Variants in MPPED2 observed in about 807,000 individuals in gnomAD.
MPPED2 encodes metallophosphoesterase MPPED2.
Under a neutral mutation model 33.0 loss-of-function variants are expected in MPPED2, and 5 were observed. That is an observed-to-expected ratio of 0.15 (90% confidence interval 0.08 to 0.32). The LOEUF (loss-of-function observed/expected upper bound fraction) is 0.32, where lower values mean the gene tolerates loss of function less well. Ranked by LOEUF, MPPED2 falls within the 10% of genes least tolerant of loss-of-function variation. MPPED2 has a pLI of 1.00. For missense variants in MPPED2, 275 were observed against 372.1 expected, an observed-to-expected ratio of 0.74 and a Z score of 2.15; for synonymous variants, 136 against 141.9, an observed-to-expected ratio of 0.96 and a Z score of 0.29.
intron 3 of MPPED2, among the ~76,000 whole-genome samples, chr11:30,534,714 C>A (rs1954718781): frequency 2.0e-5 from 3 of 151,990 alleles, no homozygotes; most frequent in Non-Finnish European, 4.4e-5. Flanking sequence ...TTTGACTTAG[C>A]AAATTAAGTA....
chr11:30,572,895 T>C (rs1956767404), intron 2 of MPPED2, among the ~76,000 whole-genome samples: 1 of 152,172 alleles, frequency 6.6e-6, no homozygotes, highest in South Asian at 2.1e-4. Context: ...AGGTAAGGAA[T>C]AGGAGAAATC....
exon 7 of MPPED2, chr11:30,386,412 C>A (rs1175702165): frequency 1.8e-5 from 4 of 224,376 alleles, no homozygotes; most frequent in Non-Finnish European, 2.6e-5. Context: ...ATCATGGCAG[C>A]TCCAATTCCA....
downstream of MPPED2, among the ~76,000 whole-genome samples, chr11:30,408,965 T>C (rs1590166812): frequency 1.3e-5 from 2 of 152,168 alleles, no homozygotes; most frequent in Admixed American, 1.3e-4. Flanking sequence ...AGGCAGCTCG[T>C]GCATATGAAA....
chr11:30,519,136 G>A (rs1953702423), intron 3 of MPPED2, among the ~76,000 whole-genome samples: 1 of 151,960 alleles, frequency 6.6e-6, no homozygotes, highest in Non-Finnish European at 1.5e-5. Context: ...TAAAATATTA[G>A]CCAGGCATGG....
At chr11:30,476,365 C>T (rs1308917583) in intron 4 of MPPED2, among the ~76,000 whole-genome samples, 4 of 151,808 alleles carry the variant, frequency 2.6e-5, no homozygotes, top group Non-Finnish European at 1.5e-5. Context: ...AAGTTTTCTT[C>T]TAGAAGTTTT....
In MPPED2 at chr11:30,536,018, C is replaced by T; in HGVS notation, c.286G>A (p.Val96Ile). Residue 96 changes from valine to isoleucine, a missense_variant, in exon 3 of 7, where the codon GTT becomes ATT. Physicochemically the swap from Val to Ile is conservative, Grantham distance 29 (BLOSUM62 3). Coordinates refer to ENST00000358117, the MANE Select transcript of MPPED2 (RefSeq NM_001584.3). ...DFTELGLPSE[V>I]KKFNDWLGNL... ...CCTAACCAGTCATTAAACTTCTTAA[C>T]CTCTGAGGGCAGTCCCAGCTCGGTG... 1 of 1,609,098 alleles carries T rather than the reference C, an allele frequency of 6.2e-7. No individual in the cohort carries two copies. The highest frequency in any genetic ancestry group is 8.5e-7 in the Non-Finnish European group (1 of 1,178,208).
At chr11:30,455,750 T>C (rs914351230) in intron 4 of MPPED2, among the ~76,000 whole-genome samples, 8 of 152,216 alleles carry the variant, frequency 5.3e-5, no homozygotes, top group Non-Finnish European at 1.2e-4. Flanking sequence ...CAGATCAGCT[T>C]GGCTTAACAT....
intron 3 of MPPED2, among the ~76,000 whole-genome samples, chr11:30,508,271 T>C (rs1209611033): frequency 1.3e-5 from 2 of 152,048 alleles, no homozygotes; most frequent in African/African-American, 4.8e-5. Flanking sequence ...AATGAAAAAA[T>C]TTAAAAAATG....
At chr11:30,500,161 C>CT (rs1255145547) in intron 3 of MPPED2, among the ~76,000 whole-genome samples, 2 of 152,184 alleles carry the variant, frequency 1.3e-5, no homozygotes, top group Non-Finnish European at 2.9e-5. Flanking sequence ...TGGAATGTGA[C>CT]TAATAACCTC....
intron 6 of MPPED2, among the ~76,000 whole-genome samples, chr11:30,412,528 C>A (rs866476628): frequency 6.6e-6 from 1 of 152,072 alleles, no homozygotes; most frequent in Admixed American, 6.6e-5. Context: ...ACTGAAAAGG[C>A]TTTTTTCCAC....
At chr11:30,512,949 AG>A (rs1953309088) in intron 3 of MPPED2, among the ~76,000 whole-genome samples, 1 of 152,156 alleles carries the variant, frequency 6.6e-6, no homozygotes, top group African/African-American at 2.4e-5. Context: ...CGCTGACCCA[AG>A]ATCACGCCAC....
chr11:30,480,245 G>T (rs553287467), intron 4 of MPPED2, among the ~76,000 whole-genome samples: 1 of 152,120 alleles, frequency 6.6e-6, no homozygotes, highest in East Asian at 1.9e-4. Flanking sequence ...CAGCCTAGAC[G>T]CTCTGCATAC....
exon 7 of MPPED2, chr11:30,385,377 G>C (rs951872276): frequency 1.3e-5 from 2 of 152,176 alleles, no homozygotes; most frequent in East Asian, 1.9e-4. Context: ...CTAGGGGCTG[G>C]GTCTTTGTAG....
intron 4 of MPPED2, among the ~76,000 whole-genome samples, chr11:30,493,107 C>T (rs1246609096): frequency 6.6e-6 from 1 of 152,086 alleles, no homozygotes; most frequent in African/African-American, 2.4e-5. Context: ...ACTCGTAAAG[C>T]TAGAAAAAAA....
At chr11:30,402,440 T>C (rs1349496165) in intron 6 of MPPED2, among the ~76,000 whole-genome samples, 2 of 152,154 alleles carry the variant, frequency 1.3e-5, no homozygotes, top group African/African-American at 4.8e-5. Flanking sequence ...CACAGACAGA[T>C]TGTGATGAGA....
chr11:30,476,555 GTA>G (rs1951208437), intron 4 of MPPED2, among the ~76,000 whole-genome samples: 1 of 151,902 alleles, frequency 6.6e-6, no homozygotes, highest in Non-Finnish European at 1.5e-5. Flanking sequence ...TCATTTGGCT[GTA>G]TATATATGGG....
rs1337584301 is a variant in MPPED2, at chr11:30,393,097, C to T, written c.767-4141G>A. Among the ~76,000 whole-genome samples, 4 of 152,224 alleles carry T rather than the reference C, an allele frequency of 2.6e-5. No homozygotes were observed. The East Asian group carries it at 5.8e-4, about 22-fold the overall frequency. On this transcript the variant is annotated intron_variant, in intron 6 of 6. Transcript: ENST00000448418. ...TTTGTGCCCAATCTGGAGATCACCT[C>T]TCATCGACAGTTGTTTCTCTTTCTC... is the stretch of plus-strand genomic sequence containing the variant.
intron 4 of MPPED2, among the ~76,000 whole-genome samples, chr11:30,475,443 A>C (rs1951144794): frequency 1.3e-5 from 2 of 152,136 alleles, no homozygotes; most frequent in Non-Finnish European, 2.9e-5. Context: ...TACCCTTTGC[A>C]GTCTGTGTCT....
At chr11:30,570,174 A>C (rs2134805671) in intron 2 of MPPED2, among the ~76,000 whole-genome samples, 1 of 152,226 alleles carries the variant, frequency 6.6e-6, no homozygotes, top group Admixed American at 6.5e-5. Context: ...GGAGATTGGA[A>C]AGTCCATGAT....
Sources: gnomAD v4.1 joint callset for allele counts (sites outside exome capture counted in the v4.1 genomes callset) on GRCh38, gnomAD v4.1.1 for gene constraint, MANE v1.5 for transcripts, NCBI Gene and HGNC (gene_info 2026-07-23, HGNC 2026-07-21) for gene names.